Variants in FAM13C observed in about 807,000 individuals in gnomAD.
FAM13C encodes protein FAM13C.
Under a neutral mutation model 73.2 loss-of-function variants are expected in FAM13C, and 37 were observed. That is an observed-to-expected ratio of 0.51 (90% CI 0.39 to 0.67). FAM13C has a LOEUF of 0.67. Among genes scored for constraint, FAM13C ranks in the 30% least tolerant of loss-of-function variants. The pLI is 0.00. For synonymous variants in FAM13C, 246 were observed against 260.9 expected (o/e 0.94, Z 0.55); for missense variants, 589 against 715.6 (o/e 0.82, Z 2.02).
intron 4 of FAM13C, among the ~76,000 whole-genome samples, chr10:59,310,784 C>T (rs1396988162): frequency 6.6e-6 from 1 of 152,176 alleles, no homozygotes; most frequent in African/African-American, 2.4e-5. Context: ...CCACCACCTC[C>T]CACCTTGTAC....
intron 5 of FAM13C, among the ~76,000 whole-genome samples, chr10:59,286,763 G>A (rs1333642806): frequency 6.6e-6 from 1 of 151,550 alleles, no homozygotes; most frequent in Non-Finnish European, 1.5e-5. Context: ...GCAGGGTGCA[G>A]TGGCTCATAC....
intron 4 of FAM13C, among the ~76,000 whole-genome samples, chr10:59,316,329 A>C (rs1849524379): frequency 6.6e-6 from 1 of 152,150 alleles, no homozygotes; most frequent in Non-Finnish European, 1.5e-5. Context: ...AAACCAAGAA[A>C]ACTATAATGG....
chr10:59,251,708 G>A (rs1345905588), intron 12 of FAM13C, 32 bp from the exon 13 acceptor site: 2 of 1,478,032 alleles, frequency 1.4e-6, no homozygotes, highest in South Asian at 1.3e-5. Context: ...TCATTACTGG[G>A]CACTGGCATA....
intron 6 of FAM13C, chr10:59,282,897 A>AC (rs1196292684): frequency 1.9e-5 from 3 of 159,028 alleles, no homozygotes; most frequent in Non-Finnish European, 4.1e-5. Flanking sequence ...TGGACCACTC[A>AC]CCCCCACTTT....
intron 4 of FAM13C, among the ~76,000 whole-genome samples, chr10:59,311,788 A>G (rs987222932): frequency 6.6e-6 from 1 of 152,094 alleles, no homozygotes; most frequent in Non-Finnish European, 1.5e-5. Context: ...TTTCAGAGGG[A>G]TAAGTCTGAG....
chr10:59,257,683 T>C (rs1180031941), intron 10 of FAM13C, among the ~76,000 whole-genome samples: 2 of 152,164 alleles, frequency 1.3e-5, no homozygotes, highest in African/African-American at 4.8e-5. Flanking sequence ...CCATTTAAAT[T>C]AAACAATCAA....
At chr10:59,318,701 T>A (rs186689859) in intron 4 of FAM13C, among the ~76,000 whole-genome samples, 4 of 152,208 alleles carry the variant, frequency 2.6e-5, no homozygotes, top group Admixed American at 2.6e-4. Flanking sequence ...AGAGCCCTCC[T>A]TTCCAGCTCC....
intron 3 of FAM13C, among the ~76,000 whole-genome samples, chr10:59,340,572 T>C (rs1303783402): frequency 6.6e-6 from 1 of 152,088 alleles, no homozygotes; most frequent in Non-Finnish European, 1.5e-5. Flanking sequence ...AACTGCTGAG[T>C]CCCTATTCTG....
At chr10:59,337,968 C>T (rs1852963628) in intron 3 of FAM13C, among the ~76,000 whole-genome samples, 1 of 152,044 alleles carries the variant, frequency 6.6e-6, no homozygotes, top group Admixed American at 6.6e-5. Flanking sequence ...GCGTGAGACA[C>T]CATGCCCAGC....
At chr10:59,340,225 A>T (rs932414216) in intron 3 of FAM13C, among the ~76,000 whole-genome samples, 21 of 147,252 alleles carry the variant, frequency 1.4e-4, no homozygotes, top group South Asian at 4.5e-4. Context: ...TTAAAAAAAA[A>T]TTTTTTTTAA....
At chr10:59,344,436 G>T (rs1428883179) in intron 3 of FAM13C, among the ~76,000 whole-genome samples, 1 of 123,466 alleles carries the variant, frequency 8.1e-6, no homozygotes, top group Non-Finnish European at 1.7e-5. Flanking sequence ...CCGCCACCAC[G>T]CACGGCTGAT....
At chr10:59,295,935 C>A (rs1352247861) in intron 5 of FAM13C, among the ~76,000 whole-genome samples, 2 of 152,124 alleles carry the variant, frequency 1.3e-5, no homozygotes, top group Non-Finnish European at 2.9e-5. Flanking sequence ...CTTATTAAAA[C>A]CAAGTTGAAT....
chr10:59,353,992 T>C (rs1037868418), intron 2 of FAM13C, among the ~76,000 whole-genome samples: 28 of 152,200 alleles, frequency 1.8e-4, no homozygotes, highest in African/African-American at 3.6e-4. Flanking sequence ...ACTAGTTCAT[T>C]TGAAGTACAT....
At chr10:59,296,928 A>T (rs1055310416) in intron 5 of FAM13C, 15 of 152,258 alleles carry the variant, frequency 9.9e-5, no homozygotes, top group African/African-American at 3.4e-4. Flanking sequence ...AGGGTCAATT[A>T]ACAGCAAAAA....
intron 10 of FAM13C, among the ~76,000 whole-genome samples, chr10:59,258,489 AT>A (rs1371440112): frequency 1.3e-5 from 2 of 152,132 alleles, no homozygotes; most frequent in Non-Finnish European, 1.5e-5. Context: ...TCTCTAAAAA[AT>A]TTAAAATAAA....
intron 5 of FAM13C, among the ~76,000 whole-genome samples, chr10:59,300,455 A>C (rs974284655): frequency 1.3e-5 from 2 of 152,158 alleles, no homozygotes; most frequent in Non-Finnish European, 2.9e-5. Context: ...GTGGTGAATA[A>C]ATAAAATAAA....
At chr10:59,329,573 G>A (rs1041588970) in intron 3 of FAM13C, among the ~76,000 whole-genome samples, 1 of 151,738 alleles carries the variant, frequency 6.6e-6, no homozygotes, top group African/African-American at 2.4e-5. Context: ...TGGCCAGTCT[G>A]GTCTGGAACT....
At chr10:59,340,470 T>C (rs1319437741) in intron 3 of FAM13C, among the ~76,000 whole-genome samples, 1 of 152,092 alleles carries the variant, frequency 6.6e-6, no homozygotes, top group Non-Finnish European at 1.5e-5. Flanking sequence ...GGCTAGAGTG[T>C]AGCTCACCAG....
At chr10:59,339,446 T>C (rs746760860) in intron 3 of FAM13C, among the ~76,000 whole-genome samples, 29 of 152,156 alleles carry the variant, frequency 1.9e-4, no homozygotes, top group Non-Finnish European at 3.8e-4. Context: ...AGTATCAGAA[T>C]AAGAAAACTC....
Sources: gnomAD v4.1 joint callset for allele counts (sites outside exome capture counted in the v4.1 genomes callset) on GRCh38, gnomAD v4.1.1 for gene constraint, MANE v1.5 for transcripts, NCBI Gene and HGNC (gene_info 2026-07-23, HGNC 2026-07-21) for gene names.